PIPOX: variants seen among roughly 807,000 people sequenced by gnomAD.
The protein encoded by PIPOX is pipecolic acid and sarcosine oxidase.
Under a neutral mutation model 47.9 loss-of-function variants are expected in PIPOX, and 45 were observed. The observed-to-expected ratio is 0.94, with a 90% CI of 0.74 to 1.20. The LOEUF is 1.20. PIPOX is among the 50% of genes most tolerant of loss of function. The pLI is 0.00. For missense variants in PIPOX, 458 were observed against 498.4 expected (o/e 0.92, Z 0.77); for synonymous variants, 165 against 191.3 (o/e 0.86, Z 1.13).
Position 29,045,403 on chromosome 17 carries a change from C to CTTTTTTTTTT in PIPOX, c.263+415_263+424dup, listed in dbSNP as rs57047541. Among the ~76,000 whole-genome samples the CTTTTTTTTTT allele has an allele frequency of 1.6e-4, 8 of 50,952 alleles. 2 individuals are homozygous for CTTTTTTTTTT. The highest frequency in any genetic ancestry group is 2.0e-3 in the South Asian group (2 of 1,008). 33.4% of individuals were successfully genotyped at this position (50,952 alleles called of 152,430 possible). On this transcript the variant is annotated intron_variant, in intron 2 of 7. Transcript: ENST00000323372. ...GGAGGAGGCTGCTTTCAGGAGGATT[C>CTTTTTTTTTT]TTTTTTTTTTTTTTTTTTTTTTTTT...
Position 29,055,886 on chromosome 17 carries a change from C to G in PIPOX, c.1040C>G (p.Ser347Cys). 6.2e-7 allele frequency: 1 copy of G among 1,613,802 alleles called. No individual in the cohort carries two copies. The highest frequency in any genetic ancestry group is 8.5e-7 in the Non-Finnish European group (1 of 1,179,698). The part of the protein sequence containing the change: ...YDNIVIGAGF[S>C]GHGFKLAPVV... ...AACATTGTCATTGGTGCTGGATTCT[C>G]TGGTGAGTCTGAGCTGGGGGGAATG... The change falls in exon 7 of 8, where the codon TCT becomes TGT. Residue 347 changes from serine (S) to cysteine (C), a missense_variant and splice_region_variant. By Grantham distance (112) the Ser-to-Cys change is moderately radical (BLOSUM62 -1). Coordinates refer to ENST00000323372, the MANE Select transcript of PIPOX (RefSeq NM_016518.3).
At chr17:29,055,789 C>T (rs770982473) in intron 6 of PIPOX, 24 bp from the exon 7 acceptor site, 1 of 1,598,552 alleles carries the variant, frequency 6.3e-7, no homozygotes, top group Non-Finnish European at 8.6e-7. Context: ...TCAAAGAACA[C>T]AAGGTGTGAC....
chr17:29,049,867 A>G (rs998060690), intron 2 of PIPOX, among the ~76,000 whole-genome samples: 1 of 152,220 alleles, frequency 6.6e-6, no homozygotes, highest in African/African-American at 2.4e-5. Flanking sequence ...CCACTGTTAT[A>G]TCAATATCTG....
intron 2 of PIPOX, among the ~76,000 whole-genome samples, chr17:29,051,082 C>T (rs2065804327): frequency 6.6e-6 from 1 of 151,922 alleles, no homozygotes; most frequent in Non-Finnish European, 1.5e-5. Context: ...GATCGCACCA[C>T]TGCACTCCAG....
chr17:29,051,542 A>G (rs1422418259), intron 2 of PIPOX, among the ~76,000 whole-genome samples: 1 of 152,214 alleles, frequency 6.6e-6, no homozygotes, highest in Non-Finnish European at 1.5e-5. Flanking sequence ...GCTGCAATGG[A>G]GAAGGACCAC....
chr17:29,047,687 G>C (rs1383498899), intron 2 of PIPOX, among the ~76,000 whole-genome samples: 1 of 137,378 alleles, frequency 7.3e-6, no homozygotes, highest in Non-Finnish European at 1.5e-5. Flanking sequence ...TTCTTCTTTG[G>C]ATTAAAAAAA....
In PIPOX at chr17:29,055,394, T is replaced by C. The variant is rs140447101; in HGVS notation, c.966+173T>C. Among the ~76,000 whole-genome samples, 665 of 152,326 alleles carry C rather than the reference T, an allele frequency of 4.4e-3. 6 individuals are homozygous for C. The highest frequency in any genetic ancestry group is 0.015 in the African/African-American group (619 of 41,568). ...TCACCTCTACCAGGGAGGGTCCTGT[T>C]CGAAATTATTCCTATTCTTCTTCAT... On this transcript the variant is annotated intron_variant, in intron 6 of 7. Coordinates refer to ENST00000323372, the MANE Select transcript of PIPOX (RefSeq NM_016518.3).
intron 2 of PIPOX, chr17:29,046,802 C>G (rs902421236): frequency 3.1e-6 from 3 of 961,790 alleles, no homozygotes; most frequent in Non-Finnish European, 2.5e-6. Flanking sequence ...AATCTCAGCT[C>G]TGACACGCTC....
chr17:29,048,869 C>A (rs775109944), intron 2 of PIPOX, among the ~76,000 whole-genome samples: 2 of 152,214 alleles, frequency 1.3e-5, no homozygotes, highest in Non-Finnish European at 2.9e-5. Context: ...ATTACCAAGT[C>A]CCCATTCGAA....
intron 1 of PIPOX, among the ~76,000 whole-genome samples, chr17:29,043,587 G>A (rs1238657590): frequency 6.6e-6 from 1 of 152,112 alleles, no homozygotes; most frequent in Non-Finnish European, 1.5e-5. Flanking sequence ...TCCTGCCCTT[G>A]ACCAAGCGTC....
chr17:29,054,651 T>A lies in PIPOX; in HGVS notation c.767T>A (p.Ile256Asn). ...FLWLGLCPHH[I>N]YGLPTGEYPG... is the part of the protein sequence containing the mutation. Reference sequence around the variant, plus strand: ...TGGCTGGGCTTGTGTCCCCACCACATCTACGGACTGCCCACAGGAGAGTAC... The same window carrying A: ...TGGCTGGGCTTGTGTCCCCACCACAACTACGGACTGCCCACAGGAGAGTAC... The change falls in exon 5 of 8, where the codon ATC becomes AAC. Residue 256 changes from isoleucine (I) to asparagine (N), a missense_variant. Ile to Asn is a moderately radical substitution (Grantham distance 149). Coordinates refer to ENST00000323372, the MANE Select transcript of PIPOX (RefSeq NM_016518.3). 4.3e-6 allele frequency: 7 copies of A among 1,614,180 alleles called. No homozygotes were observed. Among genetic ancestry groups the A allele is most frequent in the Non-Finnish European group, 5.9e-6 (7 of 1,180,022 alleles).
rs556824790 is a variant in PIPOX, at chr17:29,054,094, G to T, written c.661-451G>T. On this transcript the variant is annotated intron_variant, in intron 4 of 7. Transcript: ENST00000323372. The stretch of plus-strand genomic sequence containing the variant: ...CTACTTGGGAGGCTGAGCCCAGGAG[G>T]CTGGCCTGAGCCCAGGAGGTTGAGG... Among the ~76,000 whole-genome samples the T allele has an allele frequency of 1.3e-3, 200 of 152,136 alleles. 1 individual carries two copies. The highest frequency in any genetic ancestry group is 1.8e-3 in the Non-Finnish European group (120 of 68,012).
At position 29,043,159 on chromosome 17, in the gene PIPOX, T is replaced by C; in HGVS notation, c.-67T>C. On this transcript the variant is annotated 5_prime_UTR_variant, in exon 1 of 8. Transcript: ENST00000323372. ...GGACTTTGCCTTCCTCCTCGTCCTT[T>C]AGCCGGGAGCCTGTCTTTGCTTGCC... 1.6e-6 allele frequency: 2 copies of C among 1,286,704 alleles called. No individual in the cohort carries two copies. The highest frequency in any genetic ancestry group is 2.4e-5 in the East Asian group (1 of 42,246). 79.7% of individuals were successfully genotyped at this position (1,286,704 alleles called of 1,614,324 possible).
intron 2 of PIPOX, 126 bp downstream of exon 2, chr17:29,045,133 C>T: frequency 1.9e-6 from 2 of 1,061,024 alleles, no homozygotes; most frequent in Non-Finnish European, 2.7e-6. Flanking sequence ...TCAAGAAGTA[C>T]CAGATGCATG....
At chr17:29,046,924 G>C (rs1320224915) in intron 2 of PIPOX, 1 of 193,198 alleles carries the variant, frequency 5.2e-6, no homozygotes, top group Non-Finnish European at 9.5e-6. Flanking sequence ...GGATAAGTAG[G>C]TAATGGGCTT....
chr17:29,052,862 C>T (rs1883113102), intron 2 of PIPOX, 58 bp from the exon 3 acceptor site: 19 of 1,493,394 alleles, frequency 1.3e-5, no homozygotes, highest in South Asian at 3.5e-5. Flanking sequence ...CGTGAGTCGT[C>T]ACATCAGGCC....
chr17:29,045,644 C>A (rs963241875), intron 2 of PIPOX, among the ~76,000 whole-genome samples: 1 of 152,006 alleles, frequency 6.6e-6, no homozygotes, highest in Non-Finnish European at 1.5e-5. Context: ...CTCTCGACCT[C>A]ATGATCTGCC....
chr17:29,048,668 C>T (rs778369037), intron 2 of PIPOX, among the ~76,000 whole-genome samples: 7 of 152,224 alleles, frequency 4.6e-5, no homozygotes, highest in Admixed American at 2.0e-4. Flanking sequence ...AGATCACAGC[C>T]GTAGGCAGTA....
rs941032559 is a variant in PIPOX, at chr17:29,055,146, C to T, written c.891C>T (p.Ile297=). The part of the protein sequence containing the change: ...TARTDIGDVQ[I]LSSFVRDHLP... The stretch of plus-strand genomic sequence containing the variant: ...GCACAGACATCGGAGACGTCCAGAT[C>T]CTGAGCAGCTTTGTCAGAGATCACT... Residue 297 remains isoleucine (I), a synonymous_variant, in exon 6 of 8, where the codon ATC becomes ATT. Transcript: ENST00000323372. The T allele has an allele frequency of 3.1e-6, 5 of 1,614,150 alleles. No individual in the cohort carries two copies. The highest frequency in any genetic ancestry group is 3.4e-6 in the Non-Finnish European group (4 of 1,180,020).
Sources: gnomAD v4.1 joint callset for allele counts (sites outside exome capture counted in the v4.1 genomes callset) on GRCh38, gnomAD v4.1.1 for gene constraint, MANE v1.5 for transcripts, NCBI Gene and HGNC (gene_info 2026-07-23, HGNC 2026-07-21) for gene names.